AFAP1L2: variants seen among roughly 807,000 people sequenced by gnomAD.
The protein encoded by AFAP1L2 is actin filament-associated protein 1-like 2.
Under a neutral mutation model 99.3 loss-of-function variants are expected in AFAP1L2, and 46 were observed. The ratio of observed to expected loss-of-function variants is 0.46; its 90% CI spans 0.37 to 0.59. The LOEUF (loss-of-function observed/expected upper bound fraction) is 0.59, where lower values mean the gene tolerates loss of function less well. Among genes scored for constraint, AFAP1L2 ranks in the 20% least tolerant of loss-of-function variants. The pLI, the probability that AFAP1L2 is intolerant of heterozygous loss-of-function variation, is 0.00. For synonymous variants in AFAP1L2, 397 were observed against 419.1 expected (o/e 0.95, Z 0.64); for missense variants, 959 against 1,034.9 (o/e 0.93, Z 1.01).
At position 114,314,169 on chromosome 10, in the gene AFAP1L2, A is replaced by G. The variant is rs1291213446; in HGVS notation, c.613-119T>C. ...ACCAAGAGCCTGACTTAACCCAGCAAGACTAAGAGGCTGGACACCCCGAAG... is the reference window on the plus strand; with the variant it reads ...ACCAAGAGCCTGACTTAACCCAGCAGGACTAAGAGGCTGGACACCCCGAAG... On this transcript the variant is annotated intron_variant, in intron 6 of 18. Transcript: ENST00000304129. 3.0e-6 allele frequency: 3 copies of G among 991,224 alleles called. No individual in the cohort carries two copies. In the African/African-American group the frequency reaches 4.9e-5, roughly 16 times the overall value. The allele number at this position is 991,224 out of a possible 1,614,324, so 61.4% of individuals were successfully genotyped here. A position where few individuals can be genotyped will look rare whatever the true frequency, so the allele number is the denominator to read the frequency against.
intron 1 of AFAP1L2, among the ~76,000 whole-genome samples, chr10:114,375,895 G>C (rs963410400): frequency 2.6e-5 from 4 of 152,160 alleles, no homozygotes; most frequent in African/African-American, 9.7e-5. Context: ...AGGAGATAGA[G>C]GCTGCAGTGA....
At chr10:114,288,974 T>G in the AFAP1L2 span, 1 of 1,613,648 alleles carries the variant, frequency 6.2e-7, no homozygotes, top group Non-Finnish European at 8.5e-7. Context: ...GTCTTCATGT[T>G]GGACACCTCT....
At chr10:114,292,891 G>C (rs1406715404), downstream of AFAP1L2, among the ~76,000 whole-genome samples, 1 of 152,092 alleles carries the variant, frequency 6.6e-6, no homozygotes, top group African/African-American at 2.4e-5. Context: ...TTTTTAGTTA[G>C]AGACAGGGTT....
intron 2 of AFAP1L2, among the ~76,000 whole-genome samples, chr10:114,333,871 C>A (rs2047561245): frequency 6.6e-6 from 1 of 152,110 alleles, no homozygotes; most frequent in Non-Finnish European, 1.5e-5. Context: ...TGTATTCCAC[C>A]AAGTAGAGAT....
intron 6 of AFAP1L2, among the ~76,000 whole-genome samples, chr10:114,315,098 G>A (rs1269279665): frequency 2.6e-5 from 4 of 152,102 alleles, no homozygotes; most frequent in South Asian, 2.1e-4. Flanking sequence ...CCAAGATTGC[G>A]CCACTGCACT....
chr10:114,307,691 A>T, intron 10 of AFAP1L2, 114 bp downstream of exon 10: 1 of 809,924 alleles, frequency 1.2e-6, no homozygotes. Flanking sequence ...CTCCATTCCT[A>T]GAGATGTTTA....
chr10:114,397,996 G>A (rs542020720), intron 1 of AFAP1L2, among the ~76,000 whole-genome samples: 57 of 152,310 alleles, frequency 3.7e-4, no homozygotes, highest in African/African-American at 1.3e-3. Flanking sequence ...AGACTCCCCT[G>A]AGAGATGTGA....
chr10:114,310,186 C>G (rs1289203649), intron 8 of AFAP1L2, among the ~76,000 whole-genome samples, 168 bp downstream of exon 8: 1 of 152,232 alleles, frequency 6.6e-6, no homozygotes. Flanking sequence ...CTCAGCCTCC[C>G]AAAGTGCTTG....
chr10:114,300,688 C>T lies in AFAP1L2; in HGVS notation c.1545G>A (p.Val515=), dbSNP rs1339121626. The part of the protein sequence containing the change: ...DVDLSELTAA[V]EPTEEATPVA... ...CAGGGGTGGCTTCCTCGGTAGGCTCCACCTGCAGGAGAGAGTGAGTCTGGG... is the reference window on the plus strand; with the variant it reads ...CAGGGGTGGCTTCCTCGGTAGGCTCTACCTGCAGGAGAGAGTGAGTCTGGG... The change falls in exon 14 of 19, where the codon GTG becomes GTA. Residue 515 remains valine, a splice_region_variant and synonymous_variant. Coordinates refer to ENST00000304129, the MANE Select transcript of AFAP1L2 (RefSeq NM_001001936.3). 5 of 1,585,916 alleles carry T rather than the reference C, an allele frequency of 3.2e-6. No individual in the cohort carries two copies. Among genetic ancestry groups the T allele is most frequent in the South Asian group, 1.2e-5 (1 of 85,050 alleles).
chr10:114,297,960 A>G (rs528014112), intron 16 of AFAP1L2, among the ~76,000 whole-genome samples: 1 of 152,378 alleles, frequency 6.6e-6, no homozygotes, highest in South Asian at 2.1e-4. Flanking sequence ...TATGTACCAC[A>G]TAGAGTCCTG....
At position 114,300,559 on chromosome 10, in the gene AFAP1L2, G is replaced by C. The variant is rs1224803954; in HGVS notation, c.1674C>G (p.Ser558=). ...HGPSSAQAQA[S]SPTLSCLDNA... ...TGTCCAGGCAGGACAACGTCGGGGAGGAGGCCTGGGCCTGTGCACTGCTGG... is the reference window on the plus strand; with the variant it reads ...TGTCCAGGCAGGACAACGTCGGGGACGAGGCCTGGGCCTGTGCACTGCTGG... The change falls in exon 14 of 19, where the codon TCC becomes TCG. Residue 558 remains serine (S), a synonymous_variant. Transcript: ENST00000304129. The C allele has an allele frequency of 1.9e-6, 3 of 1,614,176 alleles. No homozygotes were observed. Among genetic ancestry groups the C allele is most frequent in the Non-Finnish European group, 2.5e-6 (3 of 1,180,016 alleles).
intron 1 of AFAP1L2, among the ~76,000 whole-genome samples, chr10:114,357,350 C>T (rs2051533822): frequency 6.6e-6 from 1 of 152,182 alleles, no homozygotes; most frequent in Non-Finnish European, 1.5e-5. Flanking sequence ...GGTGTAACCA[C>T]ATTCTCTAAT....
At chr10:114,402,747 C>T (rs563514036) in intron 1 of AFAP1L2, among the ~76,000 whole-genome samples, 1 of 152,326 alleles carries the variant, frequency 6.6e-6, no homozygotes, top group South Asian at 2.1e-4. Context: ...CTGAGAATAA[C>T]GGGACATTTT....
At chr10:114,335,316 A>C (rs563203891) in intron 2 of AFAP1L2, among the ~76,000 whole-genome samples, 77 of 152,260 alleles carry the variant, frequency 5.1e-4, no homozygotes, top group Non-Finnish European at 6.9e-4. Context: ...TTTTTAAAAA[A>C]AGAATACAAC....
At chr10:114,303,106 A>G (rs1187473526) in intron 11 of AFAP1L2, among the ~76,000 whole-genome samples, 1 of 152,156 alleles carries the variant, frequency 6.6e-6, no homozygotes, top group East Asian at 1.9e-4. Context: ...TCCATTGGGT[A>G]CCTCAATTAA....
intron 11 of AFAP1L2, among the ~76,000 whole-genome samples, chr10:114,304,185 C>G (rs759377781): frequency 7.2e-5 from 11 of 152,208 alleles, no homozygotes; most frequent in Non-Finnish European, 1.0e-4. Flanking sequence ...AACGGACATT[C>G]ACGGGCAAGT....
chr10:114,392,465 G>A (rs1028305237), intron 1 of AFAP1L2, among the ~76,000 whole-genome samples: 1 of 152,178 alleles, frequency 6.6e-6, no homozygotes, highest in African/African-American at 2.4e-5. Context: ...GATATCCATT[G>A]GACAGGTCTG....
At chr10:114,351,585 G>A (rs2050495045) in intron 1 of AFAP1L2, among the ~76,000 whole-genome samples, 1 of 152,158 alleles carries the variant, frequency 6.6e-6, no homozygotes, top group African/African-American at 2.4e-5. Context: ...GGGGAGGCAC[G>A]CGAGGCTGAT....
At chr10:114,404,975 G>C (rs372547205), upstream of AFAP1L2, among the ~76,000 whole-genome samples, 1 of 152,194 alleles carries the variant, frequency 6.6e-6, no homozygotes, top group African/African-American at 2.4e-5. Flanking sequence ...CCGAGCCAGC[G>C]CGCTTTTGCC....
Sources: gnomAD v4.1 joint callset for allele counts (sites outside exome capture counted in the v4.1 genomes callset) on GRCh38, gnomAD v4.1.1 for gene constraint, MANE v1.5 for transcripts, NCBI Gene and HGNC (gene_info 2026-07-23, HGNC 2026-07-21) for gene names.